ATP6V0A1: variants seen among roughly 807,000 people sequenced by gnomAD.
The protein encoded by ATP6V0A1 is V-type proton ATPase 116 kDa subunit a 1.
Under a neutral mutation model 105.4 loss-of-function variants are expected in ATP6V0A1, and 43 were observed. That is an observed-to-expected ratio of 0.41 (90% confidence interval 0.32 to 0.53). ATP6V0A1 has a LOEUF of 0.53. Ranked by LOEUF, ATP6V0A1 falls within the 20% of genes least tolerant of loss-of-function variation. ATP6V0A1 has a pLI of 0.30. For synonymous variants in ATP6V0A1, 362 were observed against 372.8 expected (o/e 0.97, Z 0.33); for missense variants, 676 against 1,051.1 (o/e 0.64, Z 4.93).
At chr17:42,482,157 T>G (rs1000462863) in intron 8 of ATP6V0A1, among the ~76,000 whole-genome samples, 6 of 152,020 alleles carry the variant, frequency 3.9e-5, no homozygotes, top group Non-Finnish European at 7.4e-5. Context: ...TTGTTTTGTT[T>G]TTGTTTTGAG....
At chr17:42,500,663 C>T (rs1344491885) in intron 15 of ATP6V0A1, 44 bp from the exon 16 acceptor site, 1 of 1,502,384 alleles carries the variant, frequency 6.7e-7, no homozygotes, top group African/African-American at 1.4e-5. Flanking sequence ...AGGAGTGGCC[C>T]TAGGCCCATT....
intron 2 of ATP6V0A1, among the ~76,000 whole-genome samples, chr17:42,461,764 C>T (rs766633469): frequency 4.0e-5 from 6 of 151,632 alleles, no homozygotes; most frequent in African/African-American, 1.5e-4. Context: ...AGCAAGACTC[C>T]GTCTCAAACA....
At chr17:42,484,003 C>T (rs1240814332) in intron 9 of ATP6V0A1, among the ~76,000 whole-genome samples, 1 of 152,208 alleles carries the variant, frequency 6.6e-6, no homozygotes, top group Non-Finnish European at 1.5e-5. Flanking sequence ...TAGGCGTGAG[C>T]CACTGCGCCC....
chr17:42,520,781 AAC>A (rs1051689817), intron 21 of ATP6V0A1: 1 of 501,954 alleles, frequency 2.0e-6, no homozygotes, highest in African/African-American at 1.9e-5. Flanking sequence ...GTTGTGCATA[AAC>A]ACACTGCTCG....
At chr17:42,462,608 CG>C (rs2086555688) in intron 2 of ATP6V0A1, among the ~76,000 whole-genome samples, 1 of 151,896 alleles carries the variant, frequency 6.6e-6, no homozygotes, top group East Asian at 1.9e-4. Flanking sequence ...TTAGTAGAGA[CG>C]GGGTTTCACC....
chr17:42,489,229 G>A (rs568948192), intron 10 of ATP6V0A1, among the ~76,000 whole-genome samples: 6 of 151,678 alleles, frequency 4.0e-5, no homozygotes, highest in South Asian at 2.1e-4. Flanking sequence ...ACAGGTGTGC[G>A]CCACCACACC....
chr17:42,474,287 C>T (rs994636940), intron 5 of ATP6V0A1, among the ~76,000 whole-genome samples: 18 of 152,120 alleles, frequency 1.2e-4, no homozygotes, highest in African/African-American at 4.3e-4. Flanking sequence ...AGGTGTGAGC[C>T]ACCGCACCCA....
At chr17:42,467,584 C>G (rs2087264443) in intron 3 of ATP6V0A1, among the ~76,000 whole-genome samples, 1 of 152,170 alleles carries the variant, frequency 6.6e-6, no homozygotes. Flanking sequence ...CCCTTTAGAT[C>G]TAGAGTTGTC....
chr17:42,494,233 C>CAAA, intron 11 of ATP6V0A1, 101 bp from the exon 12 acceptor site: 10 of 969,590 alleles, frequency 1.0e-5, no homozygotes, highest in Admixed American at 3.2e-5. Context: ...GACTCCATCT[C>CAAA]AAAAAAAAAA....
At chr17:42,470,920 C>G (rs542928592) in intron 5 of ATP6V0A1, 2 of 151,330 alleles carry the variant, frequency 1.3e-5, no homozygotes, top group Non-Finnish European at 2.9e-5. Context: ...GTCAGGAGTT[C>G]GAGATCAGCC....
At chr17:42,485,564 TTTTG>T (rs1385577273) in intron 9 of ATP6V0A1, among the ~76,000 whole-genome samples, 1 of 151,882 alleles carries the variant, frequency 6.6e-6, no homozygotes, top group African/African-American at 2.4e-5. Flanking sequence ...TTTTGTTTTG[TTTTG>T]TTTTAAAGAC....
chr17:42,462,676 T>C lies in ATP6V0A1; in HGVS notation c.117+1665T>C, dbSNP rs899645481. 5.9e-5 allele frequency among the ~76,000 whole-genome samples: 9 copies of C among 152,184 alleles called. No homozygotes were observed. The South Asian group carries it at 6.2e-4, about 11-fold the overall frequency. On this transcript the variant is annotated intron_variant, in intron 2 of 21. Coordinates refer to ENST00000343619, the MANE Select transcript of ATP6V0A1 (RefSeq NM_001130021.3). ...CTCTGGTGATCCACCCGCCTCGGCC[T>C]CCCAAAGTGCTGGGATTACAGGCAT... is the stretch of plus-strand genomic sequence containing the variant.
intron 2 of ATP6V0A1, among the ~76,000 whole-genome samples, chr17:42,463,893 G>GAAAATACTGTTAAGA (rs1359314357): frequency 6.6e-6 from 1 of 152,132 alleles, no homozygotes; most frequent in African/African-American, 2.4e-5. Flanking sequence ...CTAGAGAAAA[G>GAAAATACTGTTAAGA]AAAATACTGT....
At chr17:42,496,579 G>A (rs945024532) in intron 14 of ATP6V0A1, 4 of 152,118 alleles carry the variant, frequency 2.6e-5, no homozygotes, top group African/African-American at 9.7e-5. Context: ...GGTGGCTCAT[G>A]CCTGTAATCC....
chr17:42,490,703 T>G, intron 11 of ATP6V0A1, 66 bp downstream of exon 11: 6 of 1,509,186 alleles, frequency 4.0e-6, no homozygotes, highest in Non-Finnish European at 5.4e-6. Context: ...GTTTGGTTTG[T>G]TTTGAGACAG....
At chr17:42,472,005 C>T (rs920076740) in intron 5 of ATP6V0A1, among the ~76,000 whole-genome samples, 12 of 150,964 alleles carry the variant, frequency 7.9e-5, no homozygotes, top group African/African-American at 2.9e-4. Flanking sequence ...TCTTTCATTC[C>T]TTTGCTCAAC....
chr17:42,510,102 C>T (rs892259990), intron 19 of ATP6V0A1: 3 of 152,182 alleles, frequency 2.0e-5, no homozygotes, highest in African/African-American at 7.2e-5. Flanking sequence ...CTCTTCCTAG[C>T]GGGAACTCAG....
rs542205668 is a variant in ATP6V0A1, at chr17:42,481,999, A to G, written c.717-1039A>G. On this transcript the variant is annotated intron_variant, in intron 8 of 21. Coordinates refer to ENST00000343619, the MANE Select transcript of ATP6V0A1 (RefSeq NM_001130021.3). ...TGGGACTGCAGATGCGTGCCAGCAC[A>G]CCCGGCTAATTTTTGTATTTTTAGT... Among the ~76,000 whole-genome samples, 38 of 151,884 alleles carry G rather than the reference A, an allele frequency of 2.5e-4. 1 individual carries two copies. In the South Asian group the frequency reaches 4.0e-3, roughly 16 times the overall value.
chr17:42,467,234 CA>C (rs1475268422), intron 3 of ATP6V0A1, among the ~76,000 whole-genome samples: 1 of 151,890 alleles, frequency 6.6e-6, no homozygotes, highest in East Asian at 1.9e-4. Flanking sequence ...TCATTCTCCA[CA>C]ACATTCCTTC....
Sources: allele counts gnomAD v4.1 joint callset (sites outside exome capture counted in the v4.1 genomes callset), GRCh38; gene constraint gnomAD v4.1.1; transcripts MANE v1.5; gene names NCBI Gene and HGNC (gene_info 2026-07-23, HGNC 2026-07-21).